MLLT10: variants seen among roughly 807,000 people sequenced by gnomAD.
MLLT10 encodes protein AF-10.
In MLLT10, 30 loss-of-function variants were observed where a neutral mutation model predicts 129.1. The ratio of observed to expected loss-of-function variants is 0.23; its 90% CI spans 0.17 to 0.32. The LOEUF (loss-of-function observed/expected upper bound fraction) is 0.32, where lower values mean the gene tolerates loss of function less well. Ranked by LOEUF, MLLT10 falls within the 10% of genes least tolerant of loss-of-function variation. The pLI is 1.00. For missense variants in MLLT10, 1,119 were observed against 1,268.3 expected (o/e 0.88, Z 1.79); for synonymous variants, 490 against 446.4 (o/e 1.10, Z -1.23).
At chr10:21,667,481 A>C (rs768763224) in intron 9 of MLLT10, among the ~76,000 whole-genome samples, 12 of 149,006 alleles carry the variant, frequency 8.1e-5, no homozygotes, top group Non-Finnish European at 1.5e-4. Flanking sequence ...TTCTAGTAGC[A>C]TGTAAATTAG....
intron 5 of MLLT10, among the ~76,000 whole-genome samples, chr10:21,599,214 C>T (rs566643060): frequency 1.8e-4 from 27 of 150,186 alleles, no homozygotes; most frequent in Non-Finnish European, 3.3e-4. Flanking sequence ...TGGTAGTGGA[C>T]GCCTGTAATC....
intron 9 of MLLT10, 47 bp from the exon 10 acceptor site, chr10:21,670,402 A>T: frequency 6.5e-7 from 1 of 1,537,138 alleles, no homozygotes; most frequent in Non-Finnish European, 8.8e-7. Flanking sequence ...TCTGTAACTA[A>T]AATGTAATCA....
intron 13 of MLLT10, among the ~76,000 whole-genome samples, chr10:21,683,832 C>T (rs1431832636): frequency 2.0e-5 from 3 of 151,814 alleles, no homozygotes; most frequent in Non-Finnish European, 4.4e-5. Flanking sequence ...CTGCAACCTC[C>T]GCCTCCTGGG....
intron 3 of MLLT10, among the ~76,000 whole-genome samples, chr10:21,573,667 A>C (rs2040443754): frequency 1.3e-5 from 2 of 151,384 alleles, no homozygotes; most frequent in South Asian, 4.2e-4. Flanking sequence ...CCTGGGTTCA[A>C]GTGATTCTCC....
chr10:21,603,634 G>A (rs2043774992), intron 5 of MLLT10, among the ~76,000 whole-genome samples: 1 of 151,932 alleles, frequency 6.6e-6, no homozygotes, highest in South Asian at 2.1e-4. Flanking sequence ...CCTGTAGTAG[G>A]GCTGCTGTAA....
intron 14 of MLLT10, among the ~76,000 whole-genome samples, chr10:21,714,271 G>A (rs911217305): frequency 1.3e-5 from 2 of 151,858 alleles, no homozygotes; most frequent in African/African-American, 4.8e-5. Context: ...GCAAGTTTTG[G>A]ACTCTTGTGA....
chr10:21,736,877 G>A (rs560324380), intron 21 of MLLT10, among the ~76,000 whole-genome samples: 3 of 152,204 alleles, frequency 2.0e-5, no homozygotes, highest in South Asian at 2.1e-4. Flanking sequence ...GATTTGATGC[G>A]GACTCCTAGA....
chr10:21,689,557 A>ATATATG (rs1554849973), intron 13 of MLLT10, among the ~76,000 whole-genome samples: 1 of 92,936 alleles, frequency 1.1e-5, no homozygotes, highest in African/African-American at 4.2e-5. Flanking sequence ...ATATATATAT[A>ATATATG]TATATATGTA....
chr10:21,625,588 C>A lies in MLLT10; in HGVS notation c.699+8381C>A. ...TAAGGAAGCAGAACCCCCATTTCTT[C>A]TTTTTGTCATCAGGTTGATCATAGA... On this transcript the variant is annotated intron_variant, in intron 8 of 22. Coordinates refer to ENST00000307729, the MANE Select transcript of MLLT10 (RefSeq NM_001195626.3). 3 of 759,766 alleles carry A rather than the reference C, an allele frequency of 3.9e-6. No homozygotes were observed. In the Admixed American group the frequency reaches 5.2e-5, roughly 13 times the overall value. 47.1% of individuals were successfully genotyped at this position (759,766 alleles called of 1,614,324 possible).
In MLLT10 at chr10:21,665,552, A is replaced by G. The variant is rs1356341319; in HGVS notation, c.796-4897A>G. On this transcript the variant is annotated intron_variant, in intron 9 of 22. Transcript: ENST00000307729. ...ATCCACCCTTCTCCGCCTCCCAAACAGCTGGGATTACAGGTGTGAGCCACT... is the reference window on the plus strand; with the variant it reads ...ATCCACCCTTCTCCGCCTCCCAAACGGCTGGGATTACAGGTGTGAGCCACT... Among the ~76,000 whole-genome samples the G allele has an allele frequency of 2.7e-5, 4 of 150,434 alleles. No homozygotes were observed. The East Asian group carries it at 6.0e-4, about 23-fold the overall frequency.
intron 5 of MLLT10, among the ~76,000 whole-genome samples, chr10:21,609,428 G>T (rs968366937): frequency 2.6e-5 from 4 of 152,214 alleles, no homozygotes; most frequent in Non-Finnish European, 5.9e-5. Context: ...TTTTCAGCCA[G>T]TTTTTGATCA....
rs752223358 is a variant in MLLT10, at chr10:21,733,481, CTTTT to C, written c.2408-21_2408-18del. Reference sequence around the variant, plus strand: ...GTAATTTAATAGGGTAAATAGGTTTCTTTTTGTCTTTTATTATTCTAGCTCCTAC... The same window carrying C: ...GTAATTTAATAGGGTAAATAGGTTTCTGTCTTTTATTATTCTAGCTCCTAC... On this transcript the variant is annotated intron_variant, in intron 18 of 22. Coordinates refer to ENST00000307729, the MANE Select transcript of MLLT10 (RefSeq NM_001195626.3). The C allele has an allele frequency of 1.4e-6, 2 of 1,403,392 alleles. No homozygotes were observed. Among genetic ancestry groups the C allele is most frequent in the Non-Finnish European group, 1.9e-6 (2 of 1,052,588 alleles). 86.9% of individuals were successfully genotyped at this position (1,403,392 alleles called of 1,614,324 possible). A position where few individuals can be genotyped will look rare whatever the true frequency, so the allele number is the denominator to read the frequency against.
intron 5 of MLLT10, among the ~76,000 whole-genome samples, chr10:21,607,090 C>G (rs1196444503): frequency 6.6e-6 from 1 of 152,052 alleles, no homozygotes; most frequent in African/African-American, 2.4e-5. Flanking sequence ...GACCTTGTCT[C>G]TACTTGAAAG....
intron 3 of MLLT10, among the ~76,000 whole-genome samples, chr10:21,553,005 G>A (rs2037339098): frequency 6.6e-6 from 1 of 151,866 alleles, no homozygotes; most frequent in Admixed American, 6.6e-5. Context: ...GCTTGCTGGA[G>A]CATCCTAAGG....
chr10:21,580,298 A>G (rs902169025), intron 3 of MLLT10, among the ~76,000 whole-genome samples: 2 of 152,104 alleles, frequency 1.3e-5, no homozygotes, highest in African/African-American at 4.8e-5. Flanking sequence ...AAACTTGACA[A>G]TATAACGGAA....
intron 3 of MLLT10, among the ~76,000 whole-genome samples, chr10:21,584,464 A>G (rs1242902186): frequency 5.3e-5 from 8 of 151,946 alleles, no homozygotes; most frequent in Admixed American, 4.6e-4. Flanking sequence ...CGCCCAGCCA[A>G]TAGGCTCTAT....
chr10:21,727,888 G>A lies in MLLT10; in HGVS notation c.2023G>A (p.Val675Ile). 1 of 1,614,082 alleles carries A rather than the reference G, an allele frequency of 6.2e-7. No homozygotes were observed. Among genetic ancestry groups the A allele is most frequent in the African/African-American group, 1.3e-5 (1 of 75,038 alleles). The change falls in exon 16 of 23, where the codon GTT becomes ATT. Residue 675 changes from valine to isoleucine, a missense_variant. This residue lies in a region of MLLT10 where 1,004 missense variants were observed against 1,008.7 expected (regional missense o/e 1.00). Coordinates refer to ENST00000307729, the MANE Select transcript of MLLT10 (RefSeq NM_001195626.3). Reference sequence around the variant, plus strand: ...TCTTGGAGACAATAGCCGCAACCTAGTTGGCAGAGGAAGCTCACCCCGAGG... The same window carrying A: ...TCTTGGAGACAATAGCCGCAACCTAATTGGCAGAGGAAGCTCACCCCGAGG... ...QDLGDNSRNL[V>I]GRGSSPRGSL...
At chr10:21,722,331 T>A (rs1167696048) in intron 14 of MLLT10, among the ~76,000 whole-genome samples, 1 of 152,178 alleles carries the variant, frequency 6.6e-6, no homozygotes, top group African/African-American at 2.4e-5. Flanking sequence ...AGGTACTTCT[T>A]TTCCAAAAAG....
intron 13 of MLLT10, among the ~76,000 whole-genome samples, chr10:21,697,380 C>T (rs1316081930): frequency 6.6e-5 from 10 of 152,194 alleles, no homozygotes; most frequent in South Asian, 6.2e-4. Flanking sequence ...GCAGGAGAAT[C>T]GCTTGAACCT....
Sources: allele counts gnomAD v4.1 joint callset (sites outside exome capture counted in the v4.1 genomes callset), GRCh38; gene constraint gnomAD v4.1.1; regional missense constraint gnomAD v4.1.1; transcripts MANE v1.5; gene names NCBI Gene and HGNC (gene_info 2026-07-23, HGNC 2026-07-21).